CSGALNACT1: variants seen among roughly 807,000 people sequenced by gnomAD.
CSGALNACT1 encodes chondroitin sulfate N-acetylgalactosaminyltransferase 1, also known as beta4GalNAcT-1.
A neutral mutation model predicts 51.0 loss-of-function variants in CSGALNACT1; 52 were observed. The observed-to-expected ratio is 1.02, with a 90% CI of 0.82 to 1.29. The LOEUF (loss-of-function observed/expected upper bound fraction) is 1.29, where lower values mean the gene tolerates loss of function less well. Among genes scored for constraint, CSGALNACT1 ranks in the 50% most tolerant of loss-of-function variants. CSGALNACT1 has a pLI of 0.00. For synonymous variants in CSGALNACT1, 341 were observed against 254.4 expected, an observed-to-expected ratio of 1.34 and a Z score of -3.24; for missense variants, 935 against 679.2, an observed-to-expected ratio of 1.38 and a Z score of -4.19.
intron 5 of CSGALNACT1, among the ~76,000 whole-genome samples, chr8:19,445,304 C>T (rs562732084): frequency 2.6e-5 from 4 of 152,218 alleles, no homozygotes; most frequent in Non-Finnish European, 5.9e-5. Flanking sequence ...GAAATTTGTG[C>T]ATGCAGTGGG....
At chr8:19,463,531 G>C (rs936619573) in intron 4 of CSGALNACT1, among the ~76,000 whole-genome samples, 8 of 152,202 alleles carry the variant, frequency 5.3e-5, no homozygotes, top group African/African-American at 1.7e-4. Flanking sequence ...TGAGGGAAGG[G>C]AAAGTATTCC....
intron 1 of CSGALNACT1, among the ~76,000 whole-genome samples, chr8:19,703,661 T>G (rs1042213670): frequency 1.3e-5 from 2 of 152,210 alleles, no homozygotes; most frequent in African/African-American, 2.4e-5. Flanking sequence ...AGTTGGTTAC[T>G]ACTGACTGCA....
intron 1 of CSGALNACT1, among the ~76,000 whole-genome samples, chr8:19,639,531 C>G (rs936128355): frequency 5.3e-5 from 8 of 152,206 alleles, no homozygotes; most frequent in African/African-American, 1.9e-4. Flanking sequence ...GTACCCCCAT[C>G]ACTCTTGGTC....
intron 3 of CSGALNACT1, among the ~76,000 whole-genome samples, chr8:19,545,597 T>C (rs1311159431): frequency 1.3e-5 from 2 of 151,946 alleles, no homozygotes; most frequent in Non-Finnish European, 2.9e-5. Flanking sequence ...ATAATATGCA[T>C]TCAATAAATG....
chr8:19,569,259 G>A (rs144291003), intron 3 of CSGALNACT1, among the ~76,000 whole-genome samples: 1 of 152,294 alleles, frequency 6.6e-6, no homozygotes, highest in African/African-American at 2.4e-5. Context: ...ACTATTTAGG[G>A]TGGGGACTGG....
At chr8:19,666,983 GAAAGAAAGAAAGAAAGAAAGA>G (rs1564385380) in intron 1 of CSGALNACT1, among the ~76,000 whole-genome samples, 25 of 18,872 alleles carry the variant, frequency 1.3e-3, no homozygotes, top group African/African-American at 1.7e-3. Flanking sequence ...AAGAAAGAAA[GAAAGAAAGAAAGAAAGAAAGA>G]AAGAAAGAAA....
chr8:19,674,584 C>A (rs11785951), intron 1 of CSGALNACT1, among the ~76,000 whole-genome samples: 7 of 151,916 alleles, frequency 4.6e-5, no homozygotes, highest in Non-Finnish European at 8.8e-5. Context: ...ACCCTACCAC[C>A]GCAGAAGTCA....
chr8:19,561,456 A>G (rs11997873), intron 3 of CSGALNACT1, among the ~76,000 whole-genome samples: 21,517 of 152,152 alleles, frequency 0.14, 2,169 homozygotes, highest in African/African-American at 0.29. Flanking sequence ...GTTGTTTCCT[A>G]TGTATGAGTC....
chr8:19,725,425 CTTT>C (rs749829348), intron 1 of CSGALNACT1, among the ~76,000 whole-genome samples: 2 of 136,134 alleles, frequency 1.5e-5, no homozygotes, highest in Non-Finnish European at 1.6e-5. Flanking sequence ...TTTCTTTTTT[CTTT>C]TTTTTTTTTT....
intron 1 of CSGALNACT1, among the ~76,000 whole-genome samples, chr8:19,701,111 T>C (rs934599769): frequency 2.7e-5 from 4 of 148,384 alleles, no homozygotes; most frequent in Middle Eastern, 3.6e-3. Context: ...CTTGAGTTCA[T>C]GAAGGAAGGA....
intron 1 of CSGALNACT1, among the ~76,000 whole-genome samples, chr8:19,702,035 A>G (rs138411962): frequency 6.6e-6 from 1 of 152,190 alleles, no homozygotes; most frequent in Admixed American, 6.5e-5. Context: ...TCTGGCAAAC[A>G]TTTGATTGGC....
At chr8:19,701,691 G>A (rs1276811157) in intron 1 of CSGALNACT1, among the ~76,000 whole-genome samples, 1 of 152,152 alleles carries the variant, frequency 6.6e-6, no homozygotes, top group Non-Finnish European at 1.5e-5. Context: ...GGATAATGAT[G>A]ATGACAATGT....
chr8:19,488,946 G>A (rs1017670795), intron 4 of CSGALNACT1, among the ~76,000 whole-genome samples: 2 of 152,108 alleles, frequency 1.3e-5, no homozygotes, highest in Non-Finnish European at 2.9e-5. Context: ...TATAAACTCA[G>A]GATCCTTGAA....
At chr8:19,446,257 G>A (rs952710341) in intron 5 of CSGALNACT1, among the ~76,000 whole-genome samples, 4 of 152,146 alleles carry the variant, frequency 2.6e-5, no homozygotes, top group Non-Finnish European at 5.9e-5. Flanking sequence ...TCCGGGCTTT[G>A]CACGGTTATT....
At position 19,638,809 on chromosome 8, in the gene CSGALNACT1, G is replaced by T. The variant is rs558891501; in HGVS notation, c.-543-36944C>A. Among the ~76,000 whole-genome samples, 5 of 151,926 alleles carry T rather than the reference G, an allele frequency of 3.3e-5. No homozygotes were observed. In the South Asian group the frequency reaches 8.3e-4, roughly 25 times the overall value. On this transcript the variant is annotated intron_variant, in intron 1 of 9. Coordinates refer to the CSGALNACT1 transcript ENST00000332246. ...AGAGCTGAACTAGGCCTGTGGGAAG[G>T]TATTTTGTAAATTCAATAGATGATC... is the stretch of plus-strand genomic sequence containing the variant.
At chr8:19,439,090 C>T (rs2060873329) in intron 6 of CSGALNACT1, among the ~76,000 whole-genome samples, 1 of 152,240 alleles carries the variant, frequency 6.6e-6, no homozygotes, top group South Asian at 2.1e-4. Context: ...CCAGGGCAAA[C>T]TACAGGCCAG....
At chr8:19,571,894 G>C (rs2043129653) in intron 3 of CSGALNACT1, among the ~76,000 whole-genome samples, 1 of 152,178 alleles carries the variant, frequency 6.6e-6, no homozygotes, top group African/African-American at 2.4e-5. Context: ...GTTTTCTGTA[G>C]GGCCTACAAA....
At chr8:19,691,506 C>T (rs2061320260) in intron 1 of CSGALNACT1, among the ~76,000 whole-genome samples, 1 of 152,340 alleles carries the variant, frequency 6.6e-6, no homozygotes, top group African/African-American at 2.4e-5. Context: ...GCCTGTTAGA[C>T]CAAACAACTA....
chr8:19,556,136 G>A (rs2039360078), intron 3 of CSGALNACT1, among the ~76,000 whole-genome samples: 1 of 152,098 alleles, frequency 6.6e-6, no homozygotes, highest in South Asian at 2.1e-4. Flanking sequence ...CCAACACTGT[G>A]GGAGGCTGAG....
Sources: gnomAD v4.1 joint callset for allele counts (sites outside exome capture counted in the v4.1 genomes callset) on GRCh38, gnomAD v4.1.1 for gene constraint, MANE v1.5 for transcripts, NCBI Gene and HGNC (gene_info 2026-07-23, HGNC 2026-07-21) for gene names.